The following FBXL4 variants were observed in gnomAD, a reference collection of about 807,000 sequenced individuals.
FBXL4 encodes F-box/LRR-repeat protein 4.
In FBXL4, 40 loss-of-function variants were observed where a neutral mutation model predicts 58.9. That is an observed-to-expected ratio of 0.68 (90% CI 0.53 to 0.88). The LOEUF is 0.88. FBXL4 is among the 40% of genes least tolerant of loss of function. FBXL4 has a pLI of 0.00. For missense variants in FBXL4, 676 were observed against 734.4 expected (o/e 0.92, Z 0.92); for synonymous variants, 263 against 265.5 (o/e 0.99, Z 0.09).
intron 7 of FBXL4, among the ~76,000 whole-genome samples, chr6:98,882,184 G>T (rs2128379929): frequency 6.6e-6 from 1 of 151,886 alleles, no homozygotes; most frequent in East Asian, 1.9e-4. Flanking sequence ...ACAAGTATAG[G>T]TTCCAATATA....
At chr6:98,937,396 TG>T in intron 1 of FBXL4, among the ~76,000 whole-genome samples, 2 of 152,314 alleles carry the variant, frequency 1.3e-5, no homozygotes, top group Middle Eastern at 6.8e-3. Flanking sequence ...CATAAACAGT[TG>T]ATTAACATAT....
At chr6:98,913,096 G>A (rs1772166265) in intron 5 of FBXL4, among the ~76,000 whole-genome samples, 1 of 152,062 alleles carries the variant, frequency 6.6e-6, no homozygotes. Context: ...TTACACAATG[G>A]TAAAGGGATC....
chr6:98,907,678 GTTTT>G (rs200945006), intron 5 of FBXL4, among the ~76,000 whole-genome samples: 1 of 151,702 alleles, frequency 6.6e-6, no homozygotes, highest in East Asian at 1.9e-4. Flanking sequence ...ATGAGAGAGG[GTTTT>G]TTTTAATTTA....
chr6:98,907,513 A>T (rs571172567), intron 5 of FBXL4, among the ~76,000 whole-genome samples: 3 of 152,344 alleles, frequency 2.0e-5, no homozygotes, highest in African/African-American at 7.2e-5. Context: ...GTTATCTCTA[A>T]TTAAAATTAT....
chr6:98,916,830 T>TAAA (rs11419555), intron 5 of FBXL4, among the ~76,000 whole-genome samples: 3 of 129,636 alleles, frequency 2.3e-5, no homozygotes, highest in Non-Finnish European at 3.4e-5. Flanking sequence ...AAAAAAAAAC[T>TAAA]AAAAAAAAAA....
At chr6:98,906,165 A>G (rs1309528256) in intron 5 of FBXL4, among the ~76,000 whole-genome samples, 1 of 149,982 alleles carries the variant, frequency 6.7e-6, no homozygotes, top group Admixed American at 6.7e-5. Context: ...TGCCAGGAAC[A>G]CTCAGCTTTA....
rs773599829 is a variant in FBXL4 at position 98,874,267 on chromosome 6, C to T, written c.*11G>A. On this transcript the variant is annotated 3_prime_UTR_variant, in exon 10 of 10. Coordinates refer to ENST00000369244, the MANE Select transcript of FBXL4 (RefSeq NM_001278716.2). ...AAAGCACATTAATTTTAATACAGAA[C>T]ATATATTAAGTCACTGAGTAAAGCT... 9 of 1,556,914 alleles carry T rather than the reference C, an allele frequency of 5.8e-6. No individual in the cohort carries two copies. The Admixed American group carries it at 2.0e-4, about 34-fold the overall frequency.
intron 5 of FBXL4, among the ~76,000 whole-genome samples, chr6:98,907,527 C>T (rs898694659): frequency 6.6e-5 from 10 of 152,292 alleles, no homozygotes; most frequent in Admixed American, 2.0e-4. Flanking sequence ...AAATTATCTT[C>T]TTGAACTAGT....
intron 7 of FBXL4, among the ~76,000 whole-genome samples, chr6:98,886,891 G>A (rs1771057835): frequency 6.6e-6 from 1 of 152,282 alleles, no homozygotes; most frequent in South Asian, 2.1e-4. Context: ...CCCAGACTGG[G>A]ACAATAAGAT....
At chr6:98,886,602 T>C (rs1426584793) in intron 7 of FBXL4, among the ~76,000 whole-genome samples, 1 of 152,346 alleles carries the variant, frequency 6.6e-6, no homozygotes, top group East Asian at 1.9e-4. Context: ...CCTGACCCCA[T>C]CTTTTTTTAT....
intron 2 of FBXL4, among the ~76,000 whole-genome samples, chr6:98,928,879 G>A (rs1215560692): frequency 6.6e-6 from 1 of 152,090 alleles, no homozygotes; most frequent in South Asian, 2.1e-4. Flanking sequence ...GTTAAGTCTC[G>A]CTTCCTCTAT....
chr6:98,926,513 G>A lies in FBXL4; in HGVS notation c.476C>T (p.Ala159Val), dbSNP rs1415374072. ...GAVIRILACSANPYSPNPPAE... is the reference protein window; with the variant it reads ...GAVIRILACSVNPYSPNPPAE... ...TGGTGGATTTGGGGAATAAGGATTT[G>A]CAGAACAAGCGAGAATTCTAATGAC... Residue 159 changes from alanine to valine, a missense_variant, in exon 4 of 10, where the codon GCA (alanine) becomes GTA (valine). By Grantham distance (64) the Ala-to-Val change is moderately conservative (BLOSUM62 0). Transcript: ENST00000369244. 1 of 1,612,378 alleles carries A rather than the reference G, an allele frequency of 6.2e-7. No homozygotes were observed. Among genetic ancestry groups the A allele is most frequent in the Non-Finnish European group, 8.5e-7 (1 of 1,178,780 alleles).
At chr6:98,905,958 C>G (rs1422691734) in intron 5 of FBXL4, among the ~76,000 whole-genome samples, 1 of 152,166 alleles carries the variant, frequency 6.6e-6, no homozygotes, top group African/African-American at 2.4e-5. Flanking sequence ...ATTTGTCATA[C>G]TCAGCATTAC....
intron 4 of FBXL4, 85 bp downstream of exon 4, chr6:98,926,392 A>T (rs1772779926): frequency 7.3e-7 from 1 of 1,364,616 alleles, no homozygotes; most frequent in Non-Finnish European, 1.0e-6. Flanking sequence ...TACTTAAAAG[A>T]ATGCTTGCAA....
intron 4 of FBXL4, 80 bp downstream of exon 4, chr6:98,926,397 T>C: frequency 7.2e-7 from 1 of 1,393,048 alleles, no homozygotes; most frequent in Non-Finnish European, 9.8e-7. Context: ...AAAAGAATGC[T>C]TGCAATAAAA....
At chr6:98,921,953 A>G (rs1396347040) in intron 4 of FBXL4, among the ~76,000 whole-genome samples, 1 of 152,128 alleles carries the variant, frequency 6.6e-6, no homozygotes, top group African/African-American at 2.4e-5. Context: ...TGAGTCTTAC[A>G]TAAGCATCCA....
chr6:98,940,275 A>C (rs1001025080), intron 1 of FBXL4, among the ~76,000 whole-genome samples: 3 of 152,186 alleles, frequency 2.0e-5, no homozygotes, highest in Non-Finnish European at 4.4e-5. Flanking sequence ...TTATTGAAAA[A>C]AACTGCATAT....
Position 98,928,860 on chromosome 6 carries a change from G to C in FBXL4, c.-190-1038C>G, listed in dbSNP as rs138534985. Reference sequence around the variant, plus strand: ...CCCAATCAAGTTCTAACCACTCTTCGTATTTTACGTTAAGTCTCGCTTCCT... The same window carrying C: ...CCCAATCAAGTTCTAACCACTCTTCCTATTTTACGTTAAGTCTCGCTTCCT... On this transcript the variant is annotated intron_variant, in intron 2 of 9. Transcript: ENST00000369244. Among the ~76,000 whole-genome samples, 13 of 152,180 alleles carry C rather than the reference G, an allele frequency of 8.5e-5. No homozygotes were observed. In the East Asian group the frequency reaches 2.1e-3, roughly 25 times the overall value.
At chr6:98,877,588 A>C (rs1770703310) in intron 8 of FBXL4, among the ~76,000 whole-genome samples, 1 of 152,136 alleles carries the variant, frequency 6.6e-6, no homozygotes, top group Non-Finnish European at 1.5e-5. Flanking sequence ...ATTCCTTCTA[A>C]ATTTTAGATA....
Sources: allele counts gnomAD v4.1 joint callset (sites outside exome capture counted in the v4.1 genomes callset), GRCh38; gene constraint gnomAD v4.1.1; transcripts MANE v1.5; gene names NCBI Gene and HGNC (gene_info 2026-07-23, HGNC 2026-07-21).